NFASC: variants seen among roughly 807,000 people sequenced by gnomAD.
NFASC encodes neurofascin homolog.
In NFASC, 43 loss-of-function variants were observed where a neutral mutation model predicts 147.5. That is an observed-to-expected ratio of 0.29 (90% CI 0.23 to 0.38). The LOEUF is 0.38. NFASC is among the 10% of genes least tolerant of loss of function. The probability of loss-of-function intolerance (pLI) is 1.00; values close to 1 mark genes in which losing one functional copy is unlikely to be tolerated. For synonymous variants in NFASC, 622 were observed against 665.5 expected (o/e 0.93, Z 1.01); for missense variants, 1,320 against 1,689.0 (o/e 0.78, Z 3.83).
At chr1:204,888,373 A>C (rs968931397) in intron 1 of NFASC, among the ~76,000 whole-genome samples, 1 of 152,228 alleles carries the variant, frequency 6.6e-6, no homozygotes, top group Non-Finnish European at 1.5e-5. Context: ...TCATTCTTTA[A>C]AATGGAATGA....
At position 204,968,428 on chromosome 1, in the gene NFASC, C is replaced by T; in HGVS notation, c.818+68C>T. The T allele has an allele frequency of 8.3e-7, 1 of 1,210,008 alleles. No individual in the cohort carries two copies. The highest frequency in any genetic ancestry group is 1.2e-6 in the Non-Finnish European group (1 of 817,664). 75.0% of individuals were successfully genotyped at this position (1,210,008 alleles called of 1,614,324 possible). ...GGATGGGGATGGGAGCTTGTTCATG[C>T]TCTTGTTAATGCCACATTTAGTGCA... On this transcript the variant is annotated intron_variant, in intron 9 of 29. Coordinates refer to ENST00000339876, the MANE Select transcript of NFASC (RefSeq NM_001005388.3). This position sits in a 1 kb window ranked among gnomAD's most constrained non-coding sequence, Gnocchi z 5.4.
At chr1:204,856,527 A>C (rs1572088891) in intron 1 of NFASC, among the ~76,000 whole-genome samples, 3 of 152,194 alleles carry the variant, frequency 2.0e-5, no homozygotes, top group African/African-American at 7.2e-5. Flanking sequence ...TAAAATTTGC[A>C]TGACATAAAA....
At chr1:204,867,409 CCACACACACACACA>C (rs34586429) in intron 1 of NFASC, among the ~76,000 whole-genome samples, 2 of 146,810 alleles carry the variant, frequency 1.4e-5, no homozygotes, top group African/African-American at 2.5e-5. Flanking sequence ...TCAGAACTCA[CCACACACACACACA>C]CACACACACA....
chr1:204,877,784 C>G (rs1039172063), intron 1 of NFASC, among the ~76,000 whole-genome samples: 1 of 152,172 alleles, frequency 6.6e-6, no homozygotes, highest in Non-Finnish European at 1.5e-5. Flanking sequence ...GTGCAAATAT[C>G]TATTCGGGTC....
At chr1:204,916,824 C>T (rs1480997655) in intron 1 of NFASC, among the ~76,000 whole-genome samples, 1 of 152,156 alleles carries the variant, frequency 6.6e-6, no homozygotes, top group Non-Finnish European at 1.5e-5. Context: ...CCACCTGTCT[C>T]AGCCTTCCAG....
intron 27 of NFASC, among the ~76,000 whole-genome samples, chr1:205,003,809 C>T (rs1558445193): frequency 6.6e-6 from 1 of 152,278 alleles, no homozygotes; most frequent in East Asian, 1.9e-4. Flanking sequence ...CTTGGGAGTC[C>T]CTGCCCATCT....
At position 204,973,386 on chromosome 1, in the gene NFASC, T is replaced by C; in HGVS notation, c.1246T>C (p.Tyr416His). ...YQCNTSNEHG[Y>H]LLANAFVSVL... ...GTGCAACACCTCCAACGAGCATGGC[T>C]ACCTGCTGGCCAACGCCTTTGTCAG... Residue 416 changes from tyrosine (Y) to histidine (H), a missense_variant, in exon 12 of 30, where the codon TAC becomes CAC. Physicochemically the swap from Tyr to His is moderately conservative, Grantham distance 83. Transcript: ENST00000339876. 1 of 1,614,274 alleles carries C rather than the reference T, an allele frequency of 6.2e-7. No individual in the cohort carries two copies. The highest frequency in any genetic ancestry group is 8.5e-7 in the Non-Finnish European group (1 of 1,180,056).
In NFASC at chr1:205,002,480, G is replaced by A. The variant is rs566729493; in HGVS notation, c.3137-116G>A. 1.7e-4 allele frequency: 136 copies of A among 801,398 alleles called. No homozygotes were observed. In the Admixed American group the frequency reaches 3.6e-3, roughly 21 times the overall value. 49.6% of individuals were successfully genotyped at this position (801,398 alleles called of 1,614,324 possible). On this transcript the variant is annotated intron_variant, in intron 26 of 29. Coordinates refer to ENST00000339876, the MANE Select transcript of NFASC (RefSeq NM_001005388.3). ...GGTCTGTATGGTGGACTGGACCCGC[G>A]GTTCCCTGGTCCCTTCCCCCACACT...
At chr1:204,931,639 A>G (rs1399332305) in intron 2 of NFASC, among the ~76,000 whole-genome samples, 1 of 152,162 alleles carries the variant, frequency 6.6e-6, no homozygotes, top group Non-Finnish European at 1.5e-5. Context: ...CATGTGCACA[A>G]CCTTGGAATA....
rs146983685 is a variant in NFASC at position 204,984,020 on chromosome 1, A to C, written c.2470+2000A>C. ...CATAACCAGCTCTCTGTCCCAACACATTGCAGATCCCAGGGCTGCGCCCAC... is the reference window on the plus strand; with the variant it reads ...CATAACCAGCTCTCTGTCCCAACACCTTGCAGATCCCAGGGCTGCGCCCAC... On this transcript the variant is annotated intron_variant, in intron 21 of 29. Coordinates refer to ENST00000339876, the MANE Select transcript of NFASC (RefSeq NM_001005388.3). 38 of 1,604,904 alleles carry C rather than the reference A, an allele frequency of 2.4e-5. No homozygotes were observed. In the Middle Eastern group the frequency reaches 9.9e-4, roughly 42 times the overall value.
rs1458902252 is a variant in NFASC, at chr1:205,009,705, G to A, written c.3421+17G>A. Reference sequence around the variant, plus strand: ...AGTACCCAGGTGAGATGTGCAAGAGGCGTGGGCTTGCAGGGTGGGGCACGT... The same window carrying A: ...AGTACCCAGGTGAGATGTGCAAGAGACGTGGGCTTGCAGGGTGGGGCACGT... On this transcript the variant is annotated intron_variant, in intron 28 of 29. Transcript: ENST00000339876. The A allele has an allele frequency of 9.3e-6, 15 of 1,611,844 alleles. No homozygotes were observed. The highest frequency in any genetic ancestry group is 1.3e-5 in the Non-Finnish European group (15 of 1,178,998).
At chr1:204,983,949 C>A in intron 21 of NFASC, 1 of 939,212 alleles carries the variant, frequency 1.1e-6, no homozygotes, top group Non-Finnish European at 1.7e-6. Context: ...AGTGCAGGTA[C>A]AGGCCAGCAG....
intron 1 of NFASC, 43 bp downstream of exon 1, chr1:204,828,825 T>C: frequency 1.2e-5 from 12 of 985,502 alleles, no homozygotes; most frequent in Non-Finnish European, 1.4e-5. Context: ...TAGAGAGTCA[T>C]GGAAACCCAC....
chr1:204,908,138 T>C (rs188283441), intron 1 of NFASC, among the ~76,000 whole-genome samples: 37 of 152,248 alleles, frequency 2.4e-4, no homozygotes, highest in African/African-American at 8.4e-4. Flanking sequence ...CGCACCACTA[T>C]GCCTGGCTAA....
chr1:204,932,265 G>T (rs1465329848), intron 2 of NFASC, among the ~76,000 whole-genome samples: 2 of 152,124 alleles, frequency 1.3e-5, no homozygotes, highest in Non-Finnish European at 2.9e-5. Flanking sequence ...ATTTTATTTA[G>T]TTCTTATAAC....
At chr1:204,943,038 G>A (rs564258481) in intron 2 of NFASC, among the ~76,000 whole-genome samples, 1 of 152,172 alleles carries the variant, frequency 6.6e-6, no homozygotes, top group Admixed American at 6.5e-5. Context: ...GATAGGAGAT[G>A]GTGCATGTGC....
intron 1 of NFASC, chr1:204,871,198 T>A: frequency 1.1e-6 from 1 of 918,384 alleles, no homozygotes; most frequent in Non-Finnish European, 1.5e-6. Context: ...AAGCTAAGAC[T>A]GTGGTTGTGC....
intron 8 of NFASC, among the ~76,000 whole-genome samples, chr1:204,965,915 T>G (rs2094925889): frequency 6.6e-6 from 1 of 152,228 alleles, no homozygotes; most frequent in Non-Finnish European, 1.5e-5. Flanking sequence ...TTGACTTCAC[T>G]GAGCCTCAGT....
Position 205,021,073 on chromosome 1 carries a change from C to T in NFASC, c.*4534C>T, listed in dbSNP as rs927982888. The stretch of plus-strand genomic sequence containing the variant: ...CAATGAAACAAAGAGCTTGATATGT[C>T]AAGAGGAGACCAAGGCCCTGGGAGG... On this transcript the variant is annotated 3_prime_UTR_variant, in exon 30 of 30. Transcript: ENST00000339876. 1 of 152,156 alleles carries T rather than the reference C, an allele frequency of 6.6e-6. No individual in the cohort carries two copies. Among genetic ancestry groups the T allele is most frequent in the African/African-American group, 2.4e-5 (1 of 41,404 alleles). The allele number at this position is 152,156 out of a possible 1,614,324, so 9.4% of individuals were successfully genotyped here. A position where few individuals can be genotyped will look rare whatever the true frequency, so the allele number is the denominator to read the frequency against.
Sources: gnomAD v4.1 joint callset for allele counts (sites outside exome capture counted in the v4.1 genomes callset) on GRCh38, gnomAD v4.1.1 for gene constraint, Gnocchi (gnomAD v3.1) non-coding constraint, MANE v1.5 for transcripts, NCBI Gene and HGNC (gene_info 2026-07-23, HGNC 2026-07-21) for gene names.